The following DMXL2 variants were observed in gnomAD, a reference collection of about 807,000 sequenced individuals.
The protein encoded by DMXL2 is Dmx like 2, also known as dmX-like protein 2.
Under a neutral mutation model 331.1 loss-of-function variants are expected in DMXL2, and 103 were observed. The observed-to-expected ratio is 0.31, with a 90% CI of 0.27 to 0.37. The LOEUF is 0.37. Among genes scored for constraint, DMXL2 ranks in the 10% least tolerant of loss-of-function variants. The pLI is 1.00. For synonymous variants in DMXL2, 1,281 were observed against 1,252.1 expected (o/e 1.02, Z -0.49); for missense variants, 3,171 against 3,642.9 (o/e 0.87, Z 3.33).
chr15:51,569,157 C>G (rs1240440040), intron 2 of DMXL2, among the ~76,000 whole-genome samples: 1 of 152,192 alleles, frequency 6.6e-6, no homozygotes, highest in Non-Finnish European at 1.5e-5. Flanking sequence ...GCGGGTCCCA[C>G]CCCCACGGAG....
At chr15:51,562,345 G>A (rs948298600) in intron 6 of DMXL2, among the ~76,000 whole-genome samples, 3 of 152,034 alleles carry the variant, frequency 2.0e-5, no homozygotes, top group Admixed American at 1.3e-4. Context: ...AGACACGTAA[G>A]GCCTGAAAAA....
Position 51,456,173 on chromosome 15 carries a change from C to T in DMXL2, c.8419G>A (p.Gly2807Ser). ...HQYYLTGAQD[G>S]SVRMFEWTRP... ...GTCCATTCAAACATTCGTACACTGC[C>T]GTCCTGAGCACCTGTAAGATCTGAA... The change falls in exon 39 of 44, where the codon GGC (glycine) becomes AGC (serine). Residue 2807 changes from glycine (G) to serine (S), a missense_variant. Physicochemically the swap from Gly to Ser is moderately conservative, Grantham distance 56. Around this residue, in one of 7 missense-constraint regions of DMXL2, gnomAD observed 766 missense variants for 940.5 expected, o/e 0.81. Transcript: ENST00000560891. 1.2e-6 allele frequency: 2 copies of T among 1,613,878 alleles called. No homozygotes were observed. The highest frequency in any genetic ancestry group is 1.3e-5 in the African/African-American group (1 of 75,004).
chr15:51,480,285 C>T (rs1259634008), intron 24 of DMXL2, 146 bp from the exon 25 acceptor site: 1 of 877,910 alleles, frequency 1.1e-6, no homozygotes, highest in East Asian at 2.6e-5. Context: ...CCAGTATGTA[C>T]CAGGTACTAT....
chr15:51,570,064 C>T (rs961674108), intron 2 of DMXL2, among the ~76,000 whole-genome samples: 4 of 152,032 alleles, frequency 2.6e-5, no homozygotes, highest in Non-Finnish European at 5.9e-5. Flanking sequence ...AGACAAATTG[C>T]TAATGAGAAT....
chr15:51,483,463 T>C (rs57316586), intron 23 of DMXL2, among the ~76,000 whole-genome samples: 1,759 of 152,244 alleles, frequency 0.012, 26 homozygotes, highest in East Asian at 0.026. Context: ...ACCCCTACCA[T>C]CACACTTTTG....
In DMXL2 at chr15:51,543,813, A is replaced by G. The variant is rs143455449; in HGVS notation, c.931-1306T>C. Among the ~76,000 whole-genome samples the G allele has an allele frequency of 9.3e-4, 141 of 152,254 alleles. 1 individual carries two copies. Among genetic ancestry groups the G allele is most frequent in the African/African-American group, 3.3e-3 (136 of 41,556 alleles). ...TTGTCAAATCACTGGTTACATATTTACTTATATTTCTGTTCTATTTTACAT... is the reference window on the plus strand; with the variant it reads ...TTGTCAAATCACTGGTTACATATTTGCTTATATTTCTGTTCTATTTTACAT... On this transcript the variant is annotated intron_variant, in intron 8 of 43. Coordinates refer to ENST00000560891, the MANE Select transcript of DMXL2 (RefSeq NM_001378457.1).
chr15:51,577,711 C>T (rs901401781), intron 1 of DMXL2, among the ~76,000 whole-genome samples: 3 of 152,046 alleles, frequency 2.0e-5, no homozygotes, highest in Non-Finnish European at 4.4e-5. Flanking sequence ...TTCCAACGTG[C>T]CTTATATCAT....
chr15:51,480,170 AG>A, intron 24 of DMXL2, 31 bp from the exon 25 acceptor site: 1 of 1,481,268 alleles, frequency 6.8e-7, no homozygotes, highest in Non-Finnish European at 9.0e-7. Context: ...TTTTTTTCAA[AG>A]TAGTTTAAAA....
At chr15:51,552,958 C>A (rs1001703682) in intron 6 of DMXL2, among the ~76,000 whole-genome samples, 2 of 151,984 alleles carry the variant, frequency 1.3e-5, no homozygotes, top group East Asian at 3.9e-4. Flanking sequence ...AGCATTTGCA[C>A]TTGGTGTTTG....
chr15:51,585,555 G>A (rs1373156369), intron 1 of DMXL2, among the ~76,000 whole-genome samples: 6 of 152,052 alleles, frequency 3.9e-5, no homozygotes, highest in Admixed American at 2.6e-4. Flanking sequence ...ATATGCGTAT[G>A]TGTCCAAGAA....
intron 33 of DMXL2, among the ~76,000 whole-genome samples, chr15:51,461,402 T>G (rs932517758): frequency 3.3e-5 from 5 of 152,196 alleles, no homozygotes; most frequent in African/African-American, 1.2e-4. Flanking sequence ...CTCTGACAAG[T>G]CAACCAGTCA....
chr15:51,614,956 A>C (rs750162), intron 1 of DMXL2, among the ~76,000 whole-genome samples: 72,377 of 152,090 alleles, frequency 0.48, 17,635 homozygotes, highest in Non-Finnish European at 0.52. Flanking sequence ...TCCAGGGGAA[A>C]AAAATGATGC....
At chr15:51,456,496 G>A in intron 37 of DMXL2, 127 bp from the exon 38 acceptor site, 3 of 643,654 alleles carry the variant, frequency 4.7e-6, no homozygotes, top group Non-Finnish European at 7.9e-6. Flanking sequence ...AGCCTGTTAT[G>A]GATGTTCTGA....
chr15:51,548,468 A>T (rs992988945), intron 6 of DMXL2, among the ~76,000 whole-genome samples: 1 of 152,142 alleles, frequency 6.6e-6, no homozygotes, highest in Admixed American at 6.6e-5. Flanking sequence ...CAGCCACTTA[A>T]CAATGTACTA....
intron 13 of DMXL2, among the ~76,000 whole-genome samples, chr15:51,522,495 T>C (rs2047433290): frequency 1.3e-5 from 2 of 152,034 alleles, no homozygotes; most frequent in Non-Finnish European, 2.9e-5. Context: ...AATACAAAAA[T>C]TAGCTGGGCA....
At chr15:51,580,346 G>A (rs1400507424) in intron 1 of DMXL2, among the ~76,000 whole-genome samples, 4 of 152,156 alleles carry the variant, frequency 2.6e-5, no homozygotes, top group Non-Finnish European at 5.9e-5. Context: ...CTTTGTGTTA[G>A]ATAAATGAAA....
chr15:51,491,998 G>A (rs1272639383), intron 19 of DMXL2, among the ~76,000 whole-genome samples: 2 of 152,070 alleles, frequency 1.3e-5, no homozygotes, highest in Non-Finnish European at 2.9e-5. Context: ...ACAAAAATAG[G>A]GACACTAAAA....
intron 33 of DMXL2, chr15:51,463,156 T>C (rs2040273624): frequency 2.9e-6 from 1 of 347,266 alleles, no homozygotes; most frequent in Admixed American, 4.6e-5. Context: ...AGTACCAACT[T>C]TCACTTGAAT....
chr15:51,547,987 T>C (rs1243912399), intron 6 of DMXL2, among the ~76,000 whole-genome samples: 1 of 152,110 alleles, frequency 6.6e-6, no homozygotes, highest in African/African-American at 2.4e-5. Flanking sequence ...TCTTAGCTCT[T>C]GGGCCACAGT....
Sources: allele counts gnomAD v4.1 joint callset (sites outside exome capture counted in the v4.1 genomes callset), GRCh38; gene constraint gnomAD v4.1.1; regional missense constraint gnomAD v4.1.1; transcripts MANE v1.5; gene names NCBI Gene and HGNC (gene_info 2026-07-23, HGNC 2026-07-21).